Variants in SLC35F3 observed in about 807,000 individuals in gnomAD.
The protein encoded by SLC35F3 is putative thiamine transporter SLC35F3.
A neutral mutation model predicts 49.9 loss-of-function variants in SLC35F3; 25 were observed. The observed-to-expected ratio is 0.50, with a 90% confidence interval of 0.37 to 0.70. The LOEUF (loss-of-function observed/expected upper bound fraction) is 0.70. Ranked by LOEUF, SLC35F3 falls within the 30% of genes least tolerant of loss-of-function variation. SLC35F3 has a pLI of 0.00. For synonymous variants in SLC35F3, 275 were observed against 265.4 expected (o/e 1.04, Z -0.35); for missense variants, 525 against 639.8 (o/e 0.82, Z 1.94).
At position 233,940,672 on chromosome 1, in the gene SLC35F3, C is replaced by T. The variant is rs144310640; in HGVS notation, c.283+34914C>T. On this transcript the variant is annotated intron_variant, in intron 2 of 7. Transcript: ENST00000366618. ...CTCAAATAAGATATATTTCCTTGTG[C>T]TCCTCTATTTGCATTATGCTGTCAT... Among the ~76,000 whole-genome samples the T allele has an allele frequency of 2.0e-3, 305 of 152,254 alleles. 3 individuals carry two copies. Among genetic ancestry groups the T allele is most frequent in the African/African-American group, 6.7e-3 (277 of 41,550 alleles).
chr1:234,215,903 T>C (rs1002677683), intron 2 of SLC35F3, among the ~76,000 whole-genome samples: 7 of 152,218 alleles, frequency 4.6e-5, no homozygotes, highest in African/African-American at 1.7e-4. Context: ...GGCTGTCCGA[T>C]CCAAAGCTCA....
At chr1:234,252,689 T>C (rs575439766) in intron 3 of SLC35F3, among the ~76,000 whole-genome samples, 3 of 152,282 alleles carry the variant, frequency 2.0e-5, no homozygotes, top group African/African-American at 4.8e-5. Context: ...AATTAACAAA[T>C]AAATTTTAAA....
chr1:234,108,627 T>TGTATATTTATATATAAAAGATAC (rs1665335855), intron 2 of SLC35F3, among the ~76,000 whole-genome samples: 1 of 112,482 alleles, frequency 8.9e-6, no homozygotes, highest in African/African-American at 3.9e-5. Flanking sequence ...ATAAAAGATA[T>TGTATATTTATATATAAAAGATAC]ATATATTTAT....
rs139342849 is a variant in SLC35F3 at position 234,197,119 on chromosome 1, T to C, written c.284-34298T>C. Among the ~76,000 whole-genome samples the C allele has an allele frequency of 4.3e-4, 66 of 152,274 alleles. No individual in the cohort carries two copies. The East Asian group carries it at 0.01, about 24-fold the overall frequency. On this transcript the variant is annotated intron_variant, in intron 2 of 7. Transcript: ENST00000366618. ...GCAGAGTTAGGGAAATGAAAAATTA[T>C]AAAAGTTATAAAAAGTGATAAGGGG... is the stretch of plus-strand genomic sequence containing the variant.
intron 3 of SLC35F3, among the ~76,000 whole-genome samples, chr1:234,303,909 T>G (rs1156768274): frequency 6.6e-6 from 1 of 152,204 alleles, no homozygotes; most frequent in Non-Finnish European, 1.5e-5. Flanking sequence ...AATGATTTAT[T>G]TTGTAATTTC....
At chr1:234,198,033 T>C (rs1037639528) in intron 2 of SLC35F3, among the ~76,000 whole-genome samples, 7 of 152,230 alleles carry the variant, frequency 4.6e-5, no homozygotes, top group African/African-American at 1.4e-4. Flanking sequence ...ACCTGTGATA[T>C]GCTGTAAACA....
intron 2 of SLC35F3, among the ~76,000 whole-genome samples, chr1:234,139,993 A>ATAAAATAAAATAAAG (rs1553308950): frequency 1.6e-4 from 22 of 139,544 alleles, no homozygotes; most frequent in Admixed American, 1.5e-3. Context: ...ATAAAATAAA[A>ATAAAATAAAATAAAG]TAAAATAAAG....
intron 2 of SLC35F3, among the ~76,000 whole-genome samples, chr1:233,950,759 CAG>C (rs1199833826): frequency 1.3e-5 from 2 of 152,090 alleles, no homozygotes; most frequent in Non-Finnish European, 2.9e-5. Context: ...TTTTTCTCAT[CAG>C]AGTTTTAACT....
chr1:234,030,919 G>A (rs58738724), intron 2 of SLC35F3, among the ~76,000 whole-genome samples: 54 of 152,300 alleles, frequency 3.5e-4, no homozygotes, highest in African/African-American at 1.3e-3. Flanking sequence ...CTCAAATGGA[G>A]AACAAGGCAG....
chr1:234,098,914 G>C (rs1038634292), intron 2 of SLC35F3, among the ~76,000 whole-genome samples: 3 of 151,956 alleles, frequency 2.0e-5, no homozygotes, highest in Admixed American at 1.3e-4. Flanking sequence ...TGTGTTGGTG[G>C]TGGTGGCAGT....
chr1:233,955,722 C>T (rs1461618367), intron 2 of SLC35F3, among the ~76,000 whole-genome samples: 2 of 151,130 alleles, frequency 1.3e-5, no homozygotes, highest in Admixed American at 1.3e-4. Flanking sequence ...TTCCGAAATG[C>T]AATCTGTTCC....
chr1:234,066,542 T>C (rs1664620363), intron 2 of SLC35F3, among the ~76,000 whole-genome samples: 2 of 152,098 alleles, frequency 1.3e-5, no homozygotes, highest in South Asian at 4.1e-4. Flanking sequence ...AGGAAGGCCA[T>C]GTGCTTCTTA....
intron 2 of SLC35F3, among the ~76,000 whole-genome samples, chr1:234,227,602 G>C (rs148620186): frequency 0.036 from 5,529 of 152,126 alleles, 148 homozygotes; most frequent in Middle Eastern, 0.095. Context: ...GTTTCACCAT[G>C]TTAGCCAGGA....
At chr1:234,050,786 C>A (rs1664365383) in intron 2 of SLC35F3, among the ~76,000 whole-genome samples, 1 of 152,340 alleles carries the variant, frequency 6.6e-6, no homozygotes, top group East Asian at 1.9e-4. Context: ...ACATTTAAGT[C>A]TTTAACCCAT....
chr1:234,152,408 C>T (rs370451254), intron 2 of SLC35F3, among the ~76,000 whole-genome samples: 11 of 152,084 alleles, frequency 7.2e-5, no homozygotes, highest in East Asian at 3.9e-4. Context: ...TGACAGGCCC[C>T]GGTGTTCCCC....
rs577658534 is a variant in SLC35F3, at chr1:234,023,070, A to G, written c.283+117312A>G. ...CCCCAGAAAAAGAGGTACCTGAGCTAAGGTTTGAACACATGAGGAATTATT... is the reference window on the plus strand; with the variant it reads ...CCCCAGAAAAAGAGGTACCTGAGCTGAGGTTTGAACACATGAGGAATTATT... On this transcript the variant is annotated intron_variant, in intron 2 of 7. Transcript: ENST00000366618. Among the ~76,000 whole-genome samples the G allele has an allele frequency of 3.3e-5, 5 of 152,318 alleles. No individual in the cohort carries two copies. The South Asian group carries it at 6.2e-4, about 19-fold the overall frequency.
intron 3 of SLC35F3, among the ~76,000 whole-genome samples, chr1:234,292,393 A>C (rs1423149166): frequency 6.6e-6 from 1 of 152,198 alleles, no homozygotes; most frequent in African/African-American, 2.4e-5. Context: ...TGGAACGCCA[A>C]GCATGTCGGA....
chr1:234,010,153 A>T (rs61822040), intron 2 of SLC35F3, among the ~76,000 whole-genome samples: 12,091 of 152,298 alleles, frequency 0.079, 673 homozygotes, highest in Middle Eastern at 0.18. Context: ...TATTAAAGCA[A>T]TTGTGGATAA....
chr1:233,959,627 A>G (rs1257351794), intron 2 of SLC35F3, among the ~76,000 whole-genome samples: 1 of 152,202 alleles, frequency 6.6e-6, no homozygotes, highest in Admixed American at 6.5e-5. Context: ...AGAAATAACT[A>G]GAAGCTTTAA....
Sources: allele counts gnomAD v4.1 joint callset (sites outside exome capture counted in the v4.1 genomes callset), GRCh38; gene constraint gnomAD v4.1.1; transcripts MANE v1.5; gene names NCBI Gene and HGNC (gene_info 2026-07-23, HGNC 2026-07-21).